ZFAND6: variants seen among roughly 807,000 people sequenced by gnomAD.
ZFAND6 encodes the protein AN1-type zinc finger protein 6.
Under a neutral mutation model 24.5 loss-of-function variants are expected in ZFAND6, and 12 were observed. The observed-to-expected ratio is 0.49, with a 90% CI of 0.31 to 0.79. ZFAND6 has a LOEUF of 0.79. ZFAND6 is among the 30% of genes least tolerant of loss of function. The pLI, the probability that ZFAND6 is intolerant of heterozygous loss-of-function variation, is 0.04. For missense variants in ZFAND6, 207 were observed against 245.9 expected (o/e 0.84, Z 1.06); for synonymous variants, 92 against 81.5 (o/e 1.13, Z -0.69).
rs146565411 is a variant in ZFAND6 at position 80,070,209 on chromosome 15, AAGTGG to A, written c.-181+10401_-181+10405del. On this transcript the variant is annotated intron_variant, in intron 1 of 6. Transcript: ENST00000261749. Reference sequence around the variant, plus strand: ...AGTAGGGTCTTTTTAATCAAAAGTGAAGTGGGACCAAATTGTTCAGTGGCTTGTTC... The same window carrying A: ...AGTAGGGTCTTTTTAATCAAAAGTGAGACCAAATTGTTCAGTGGCTTGTTC... 3.3e-3 allele frequency among the ~76,000 whole-genome samples: 506 copies of A among 152,330 alleles called. 3 individuals are homozygous for A. Among genetic ancestry groups the A allele is most frequent in the African/African-American group, 0.012 (481 of 41,566 alleles).
intron 2 of ZFAND6, among the ~76,000 whole-genome samples, chr15:80,107,029 A>G (rs1760112889): frequency 6.6e-6 from 1 of 152,116 alleles, no homozygotes; most frequent in African/African-American, 2.4e-5. Flanking sequence ...CCTGATGAAC[A>G]TGGTGAAACC....
chr15:80,099,553 C>T (rs1055371167), intron 2 of ZFAND6, among the ~76,000 whole-genome samples: 2 of 149,328 alleles, frequency 1.3e-5, no homozygotes, highest in African/African-American at 4.9e-5. Flanking sequence ...AATGGACTAT[C>T]TTTAGAATCA....
intron 1 of ZFAND6, among the ~76,000 whole-genome samples, chr15:80,061,351 A>G (rs1400779321): frequency 6.6e-6 from 1 of 152,174 alleles, no homozygotes. Context: ...ATATGTCAGT[A>G]ACGTTTTTAA....
intron 1 of ZFAND6, among the ~76,000 whole-genome samples, chr15:80,086,192 C>T (rs572812336): frequency 1.2e-4 from 19 of 152,270 alleles, no homozygotes; most frequent in Admixed American, 1.0e-3. Flanking sequence ...GCATGCACCA[C>T]CACACCCAGC....
chr15:80,107,645 T>C (rs893681617), intron 2 of ZFAND6, among the ~76,000 whole-genome samples: 2 of 151,968 alleles, frequency 1.3e-5, no homozygotes, highest in Admixed American at 1.3e-4. Flanking sequence ...GCCAACATGG[T>C]GAAACCCTGT....
At chr15:80,062,984 C>A (rs1338109313) in intron 1 of ZFAND6, among the ~76,000 whole-genome samples, 1 of 152,166 alleles carries the variant, frequency 6.6e-6, no homozygotes, top group Non-Finnish European at 1.5e-5. Flanking sequence ...TCATCTGTTA[C>A]CATTGCTTCA....
intron 1 of ZFAND6, among the ~76,000 whole-genome samples, chr15:80,070,105 C>T (rs1400225516): frequency 2.0e-4 from 30 of 152,142 alleles, no homozygotes; most frequent in Non-Finnish European, 2.9e-5. Context: ...CTTCAAAATT[C>T]TAAGAAAGTG....
intron 2 of ZFAND6, 41 bp downstream of exon 2, chr15:80,098,619 A>G (rs1421515087): frequency 6.6e-6 from 1 of 152,186 alleles, no homozygotes; most frequent in African/African-American, 2.4e-5. Flanking sequence ...GTAATTGGGC[A>G]TAGTAACTTA....
chr15:80,097,296 G>A (rs371586621), intron 1 of ZFAND6, among the ~76,000 whole-genome samples: 3 of 152,110 alleles, frequency 2.0e-5, no homozygotes, highest in East Asian at 1.9e-4. Flanking sequence ...CACTGCGTCC[G>A]GCATGTGTCA....
chr15:80,073,583 A>G (rs1176566334), intron 1 of ZFAND6, among the ~76,000 whole-genome samples: 1 of 151,942 alleles, frequency 6.6e-6, no homozygotes, highest in Non-Finnish European at 1.5e-5. Context: ...AGGTTTTTAA[A>G]TTAATGCTTT....
At position 80,121,696 on chromosome 15, in the gene ZFAND6, T is replaced by C. The variant is rs1356946446; in HGVS notation, c.155-16T>C. ...AGCATATAGAATCACTAATACGCAA[T>C]GTGGTACTGTTACAGCAACCTCTGT... On this transcript the variant is annotated splice_polypyrimidine_tract_variant and intron_variant, in intron 3 of 6. Coordinates refer to ENST00000261749, the MANE Select transcript of ZFAND6 (RefSeq NM_019006.4). The C allele has an allele frequency of 1.4e-5, 23 of 1,606,696 alleles. No individual in the cohort carries two copies. The East Asian group carries it at 4.9e-4, about 34-fold the overall frequency.
chr15:80,068,185 T>C (rs2036768696), intron 1 of ZFAND6, among the ~76,000 whole-genome samples: 1 of 151,490 alleles, frequency 6.6e-6, no homozygotes, highest in South Asian at 2.1e-4. Context: ...GTTGCCTTTG[T>C]CGCCCAGGAT....
intron 6 of ZFAND6, among the ~76,000 whole-genome samples, chr15:80,134,209 C>G (rs1173663207): frequency 6.6e-6 from 1 of 152,138 alleles, no homozygotes; most frequent in African/African-American, 2.4e-5. Flanking sequence ...AAGCTGGTCC[C>G]AAACTCCTGA....
intron 1 of ZFAND6, among the ~76,000 whole-genome samples, chr15:80,093,236 A>G (rs1048062369): frequency 6.6e-6 from 1 of 151,694 alleles, no homozygotes; most frequent in Non-Finnish European, 1.5e-5. Context: ...AAGTACTGGG[A>G]TTACTAGCGT....
chr15:80,068,927 A>G (rs979946690), intron 1 of ZFAND6, among the ~76,000 whole-genome samples: 2 of 152,204 alleles, frequency 1.3e-5, no homozygotes, highest in African/African-American at 2.4e-5. Flanking sequence ...CGTTCAAAAG[A>G]TTTGGTGAAT....
At chr15:80,065,525 G>A (rs1201405442) in intron 1 of ZFAND6, among the ~76,000 whole-genome samples, 2 of 127,982 alleles carry the variant, frequency 1.6e-5, no homozygotes, top group African/African-American at 5.9e-5. Context: ...CTTCAAATTA[G>A]TTTTGGTTTT....
At chr15:80,080,760 A>G (rs1257316974) in intron 1 of ZFAND6, among the ~76,000 whole-genome samples, 1 of 152,240 alleles carries the variant, frequency 6.6e-6, no homozygotes, top group Non-Finnish European at 1.5e-5. Flanking sequence ...TGCCTCAGGA[A>G]GCTTACAATC....
chr15:80,092,574 TAA>T (rs1389568148), intron 1 of ZFAND6, among the ~76,000 whole-genome samples: 1 of 152,148 alleles, frequency 6.6e-6, no homozygotes. Flanking sequence ...TTCTAAATGG[TAA>T]GAGAGAGGGG....
chr15:80,062,378 G>A (rs775623800), intron 1 of ZFAND6, among the ~76,000 whole-genome samples: 2 of 152,204 alleles, frequency 1.3e-5, no homozygotes. Context: ...TTCAGGATTT[G>A]TTAACTCCAT....
Sources: gnomAD v4.1 joint callset for allele counts (sites outside exome capture counted in the v4.1 genomes callset) on GRCh38, gnomAD v4.1.1 for gene constraint, MANE v1.5 for transcripts, NCBI Gene and HGNC (gene_info 2026-07-23, HGNC 2026-07-21) for gene names.